Variants in RAB3C observed in about 807,000 individuals in gnomAD.
RAB3C encodes the protein RAB3C, member RAS oncogene family.
In RAB3C, 17 loss-of-function variants were observed where a neutral mutation model predicts 26.4. The ratio of observed to expected loss-of-function variants is 0.64; its 90% CI spans 0.44 to 0.97. The LOEUF (loss-of-function observed/expected upper bound fraction) is 0.97, where lower values mean the gene tolerates loss of function less well. RAB3C is among the 50% of genes least tolerant of loss of function. The probability of loss-of-function intolerance (pLI) is 0.00; values close to 1 mark genes in which losing one functional copy is unlikely to be tolerated. For synonymous variants in RAB3C, 91 were observed against 95.9 expected (o/e 0.95, Z 0.30); for missense variants, 242 against 281.9 (o/e 0.86, Z 1.01).
At chr5:58,803,348 T>C (rs1003886572) in intron 3 of RAB3C, among the ~76,000 whole-genome samples, 1 of 152,174 alleles carries the variant, frequency 6.6e-6, no homozygotes, top group African/African-American at 2.4e-5. Context: ...ACTGATGAGC[T>C]TAAAAATGCT....
At chr5:58,717,104 G>C (rs1749187937) in intron 2 of RAB3C, among the ~76,000 whole-genome samples, 1 of 152,034 alleles carries the variant, frequency 6.6e-6, no homozygotes, top group Admixed American at 6.6e-5. Context: ...GTTCAGTTTT[G>C]CGTGAACCTA....
chr5:58,794,930 C>A (rs556561390), intron 3 of RAB3C, among the ~76,000 whole-genome samples: 98 of 152,312 alleles, frequency 6.4e-4, no homozygotes, highest in Non-Finnish European at 1.1e-3. Flanking sequence ...ACCAGGTGAA[C>A]CTGATGCAGA....
At chr5:58,825,377 T>A (rs1743452590) in intron 4 of RAB3C, among the ~76,000 whole-genome samples, 1 of 152,192 alleles carries the variant, frequency 6.6e-6, no homozygotes, top group Non-Finnish European at 1.5e-5. Flanking sequence ...GCAAAAATGA[T>A]ACTCAGAATT....
intron 3 of RAB3C, among the ~76,000 whole-genome samples, chr5:58,805,497 A>C (rs1742917361): frequency 6.6e-6 from 1 of 150,382 alleles, no homozygotes; most frequent in African/African-American, 2.4e-5. Context: ...AAGCATGAGA[A>C]TCTCTTAAAC....
intron 1 of RAB3C, among the ~76,000 whole-genome samples, chr5:58,595,788 G>A (rs1291520453): frequency 6.6e-6 from 1 of 152,070 alleles, no homozygotes; most frequent in African/African-American, 2.4e-5. Flanking sequence ...AAAACACAAT[G>A]TCTGGTGTTT....
rs544421870 is a variant in RAB3C at position 58,822,619 on chromosome 5, G to A, written c.372-2419G>A. The A allele has an allele frequency of 1.6e-5, 5 of 312,742 alleles. 1 individual carries two copies. The highest frequency in any genetic ancestry group is 7.4e-5 in the Admixed American group (2 of 27,070). 19.4% of individuals were successfully genotyped at this position (312,742 alleles called of 1,614,324 possible). A position where few individuals can be genotyped will look rare whatever the true frequency, so the allele number is the denominator to read the frequency against. On this transcript the variant is annotated intron_variant, in intron 3 of 4. Coordinates refer to ENST00000282878, the MANE Select transcript of RAB3C (RefSeq NM_138453.4). The stretch of plus-strand genomic sequence containing the variant: ...TACTCAGAAACACTCTGTGATACAG[G>A]ATAAAAATAAATACAACACACTCAA...
At chr5:58,711,480 C>A (rs1014574528) in intron 2 of RAB3C, among the ~76,000 whole-genome samples, 1 of 152,136 alleles carries the variant, frequency 6.6e-6, no homozygotes. Flanking sequence ...TCTGAAGATA[C>A]CCTGCTTGTG....
chr5:58,695,182 T>C (rs1748668936), intron 2 of RAB3C, among the ~76,000 whole-genome samples: 2 of 152,342 alleles, frequency 1.3e-5, no homozygotes, highest in East Asian at 1.9e-4. Context: ...ATTTATTCAA[T>C]AGGGAATCCA....
At chr5:58,670,265 A>G (rs1005387584) in intron 2 of RAB3C, among the ~76,000 whole-genome samples, 11 of 152,270 alleles carry the variant, frequency 7.2e-5, no homozygotes, top group African/African-American at 2.6e-4. Context: ...AAAGTCTTCT[A>G]TTCTATGCCT....
At position 58,726,093 on chromosome 5, in the gene RAB3C, A is replaced by G. The variant is rs1232497395; in HGVS notation, c.344A>G (p.Glu115Gly). 4.4e-6 allele frequency: 7 copies of G among 1,596,560 alleles called. No individual in the cohort carries two copies. In the Admixed American group the frequency reaches 1.2e-4, roughly 27 times the overall value. ...ATTTTAATGTATGACATTACAAATG[A>G]AGAATCCTTCAATGCAGTACAAGAT... ...GFILMYDITN[E>G]ESFNAVQDWS... The change falls in exon 3 of 5, where the codon GAA becomes GGA. Residue 115 changes from glutamate (E) to glycine (G), a missense_variant. Transcript: ENST00000282878.
chr5:58,809,652 G>C (rs544996344), intron 3 of RAB3C, among the ~76,000 whole-genome samples: 30 of 152,240 alleles, frequency 2.0e-4, no homozygotes, highest in African/African-American at 7.2e-4. Context: ...GCCTCTGAGA[G>C]GTAATTAGTT....
intron 2 of RAB3C, among the ~76,000 whole-genome samples, chr5:58,679,575 T>C (rs1748305083): frequency 6.6e-6 from 1 of 152,216 alleles, no homozygotes; most frequent in African/African-American, 2.4e-5. Context: ...ATTTCAGTTC[T>C]TTATAGTCTC....
Position 58,693,334 on chromosome 5 carries a change from GTGTATATATA to G in RAB3C, c.253-32666_253-32657del, listed in dbSNP as rs1267043568. On this transcript the variant is annotated intron_variant, in intron 2 of 4. Coordinates refer to ENST00000282878, the MANE Select transcript of RAB3C (RefSeq NM_138453.4). ...TAAAATTAAGAAATTATATATATAT[GTGTATATATA>G]TATATATATATATATATAAAATTTC... Among the ~76,000 whole-genome samples the G allele has an allele frequency of 1.8e-3, 151 of 83,816 alleles. 7 individuals are homozygous for G. Among genetic ancestry groups the G allele is most frequent in the African/African-American group, 6.8e-3 (147 of 21,494 alleles). The allele number at this position is 83,816 out of a possible 152,430, so 55.0% of individuals were successfully genotyped here.
intron 4 of RAB3C, among the ~76,000 whole-genome samples, chr5:58,840,789 T>C (rs1224097952): frequency 6.6e-6 from 1 of 152,160 alleles, no homozygotes; most frequent in Non-Finnish European, 1.5e-5. Flanking sequence ...GGTGTGGCTT[T>C]GTAGGATTGG....
chr5:58,737,003 C>T (rs1249995888), intron 3 of RAB3C, among the ~76,000 whole-genome samples: 1 of 152,084 alleles, frequency 6.6e-6, no homozygotes, highest in Non-Finnish European at 1.5e-5. Flanking sequence ...TCACAGCATC[C>T]CACATCTCCT....
intron 4 of RAB3C, among the ~76,000 whole-genome samples, chr5:58,845,092 A>G (rs1743959742): frequency 6.6e-6 from 1 of 152,200 alleles, no homozygotes; most frequent in African/African-American, 2.4e-5. Flanking sequence ...CACATGTGGA[A>G]TGGAGTCCCC....
At chr5:58,664,014 A>T (rs1335683826) in intron 2 of RAB3C, among the ~76,000 whole-genome samples, 1 of 152,186 alleles carries the variant, frequency 6.6e-6, no homozygotes, top group Non-Finnish European at 1.5e-5. Context: ...TCTATTTTAC[A>T]TATTTTGGAA....
chr5:58,808,759 T>C (rs1326318169), intron 3 of RAB3C, among the ~76,000 whole-genome samples: 1 of 152,228 alleles, frequency 6.6e-6, no homozygotes, highest in African/African-American at 2.4e-5. Flanking sequence ...CTCTTTCTTA[T>C]TTGTTCACCA....
intron 2 of RAB3C, among the ~76,000 whole-genome samples, chr5:58,702,187 A>G (rs969104521): frequency 2.0e-5 from 3 of 152,102 alleles, no homozygotes; most frequent in African/African-American, 7.2e-5. Context: ...TTTGGCACTT[A>G]CTCTTATGTG....
Sources: allele counts gnomAD v4.1 joint callset (sites outside exome capture counted in the v4.1 genomes callset), GRCh38; gene constraint gnomAD v4.1.1; transcripts MANE v1.5; gene names NCBI Gene and HGNC (gene_info 2026-07-23, HGNC 2026-07-21).